The following MYL5 variants were observed in gnomAD, a reference collection of about 807,000 sequenced individuals.
MYL5 encodes the protein myosin light chain 5.
A neutral mutation model predicts 20.8 loss-of-function variants in MYL5; 28 were observed. That is an observed-to-expected ratio of 1.35 (90% CI 1.00 to 1.84). MYL5 has a LOEUF of 1.84. Among genes scored for constraint, MYL5 ranks in the 40% most tolerant of loss-of-function variants. The probability of loss-of-function intolerance (pLI) is 0.00; values close to 1 mark genes in which losing one functional copy is unlikely to be tolerated. For synonymous variants in MYL5, 118 were observed against 87.4 expected, an observed-to-expected ratio of 1.35 and a Z score of -1.95; for missense variants, 274 against 227.3, an observed-to-expected ratio of 1.21 and a Z score of -1.32.
rs376497378 is a variant in MYL5 at position 678,938 on chromosome 4, G to T, written c.112-20G>T. ...GCCCAGCCGGGTTGGCAGCACAGCAGCCCTGACCTTGGTCCCCAGGCATTC... is the reference window on the plus strand; with the variant it reads ...GCCCAGCCGGGTTGGCAGCACAGCATCCCTGACCTTGGTCCCCAGGCATTC... On this transcript the variant is annotated intron_variant, in intron 2 of 6. Transcript: ENST00000400159. 12 of 1,613,386 alleles carry T rather than the reference G, an allele frequency of 7.4e-6. No homozygotes were observed. In the African/African-American group the frequency reaches 1.6e-4, roughly 22 times the overall value.
At chr4:676,652 G>A (rs1024704766), upstream of MYL5, among the ~76,000 whole-genome samples, 2 of 152,166 alleles carry the variant, frequency 1.3e-5, no homozygotes, top group East Asian at 1.9e-4. Flanking sequence ...TCACATTCCC[G>A]GTGGCCTCGG....
chr4:680,686 C>T (rs929657705), intron 5 of MYL5, 99 bp downstream of exon 7: 3 of 1,227,332 alleles, frequency 2.4e-6, no homozygotes, highest in African/African-American at 3.0e-5. Flanking sequence ...GCCACGCCCA[C>T]CTCCCCACCT....
At position 678,178 on chromosome 4, in the gene MYL5, ATGAGCGTGTG is replaced by A. The variant is rs1739045371; in HGVS notation, c.3+151_3+160del. ...GTGCTCTGCCTGCATATGTGTGTGC[ATGAGCGTGTG>A]TATGTGCGTGTGTGTGACCTTGCGG... On this transcript the variant is annotated intron_variant, in intron 1 of 6. Coordinates refer to ENST00000400159, the Ensembl canonical transcript of MYL5. 26 of 1,537,906 alleles carry A rather than the reference ATGAGCGTGTG, an allele frequency of 1.7e-5. No individual in the cohort carries two copies. The South Asian group carries it at 2.8e-4, about 16-fold the overall frequency.
chr4:678,209 T>G (rs534483918), intron 1 of MYL5, 180 bp downstream of exon 3: 5 of 1,511,894 alleles, frequency 3.3e-6, no homozygotes, highest in Non-Finnish European at 4.4e-6. Flanking sequence ...TGTGTGACCT[T>G]GCGGGTGTGG....
At chr4:678,815 T>TG (rs775657716) in intron 2 of MYL5, 50 bp downstream of exon 4, 1 of 1,608,714 alleles carries the variant, frequency 6.2e-7, no homozygotes, top group East Asian at 2.2e-5. Context: ...GAGCCTGTGC[T>TG]GGGAAGACCC....
At chr4:678,802 C>T in intron 2 of MYL5, 37 bp downstream of exon 4, 2 of 1,608,288 alleles carry the variant, frequency 1.2e-6, no homozygotes, top group Non-Finnish European at 1.7e-6. Flanking sequence ...CCCCCACCCC[C>T]AGGAGCCTGT....
At chr4:679,657 A>C (rs186231183) in intron 3 of MYL5, among the ~76,000 whole-genome samples, 253 of 152,304 alleles carry the variant, frequency 1.7e-3, no homozygotes, top group African/African-American at 6.0e-3. Flanking sequence ...AATTAAGAAC[A>C]GCAGATCCCA....
At chr4:678,916 C>A (rs767996026) in intron 2 of MYL5, 42 bp from the exon 5 acceptor site, 43 of 1,611,868 alleles carry the variant, frequency 2.7e-5, no homozygotes, top group Non-Finnish European at 3.6e-5. Flanking sequence ...GGGCAGAGCC[C>A]AGCCGGGTTG....
chr4:677,772 G>A (rs927299237), upstream of MYL5: 116 of 606,758 alleles, frequency 1.9e-4, no homozygotes, highest in Non-Finnish European at 3.1e-4. Context: ...GGGGACAGGT[G>A]GATGGGAGGT....
At chr4:677,654 C>T (rs746494383), upstream of MYL5, among the ~76,000 whole-genome samples, 3 of 152,224 alleles carry the variant, frequency 2.0e-5, no homozygotes, top group African/African-American at 7.2e-5. Context: ...AGTGCCCCTT[C>T]CTCTGGCTCC....
At position 680,502 on chromosome 4, in the gene MYL5, G is replaced by A. The variant is rs775054645; in HGVS notation, c.293-7G>A. 50 of 1,613,276 alleles carry A rather than the reference G, an allele frequency of 3.1e-5. No individual in the cohort carries two copies. Among genetic ancestry groups the A allele is most frequent in the Admixed American group, 5.0e-5 (3 of 59,988 alleles). ...ACGGCCCTGGGCTGAAGGTGCCTTT[G>A]TGGCAGGTACCGACGCCGAGGAGAC... On this transcript the variant is annotated splice_region_variant and splice_polypyrimidine_tract_variant and intron_variant, in intron 4 of 6. Transcript: ENST00000400159.
At position 677,998 on chromosome 4, in the gene MYL5, C is replaced by T; in HGVS notation, c.-29C>T. 1 of 1,613,386 alleles carries T rather than the reference C, an allele frequency of 6.2e-7. No homozygotes were observed. Among genetic ancestry groups the T allele is most frequent in the Non-Finnish European group, 8.5e-7 (1 of 1,179,978 alleles). ...GATGGGCAAGACCTGGGGCCCTGGG[C>T]AGACGCATCAAAGCAGGCAGAAGCA... On this transcript the variant is annotated 5_prime_UTR_variant, in exon 1 of 7. It introduces an in-frame stop codon into an upstream open reading frame of the 5' UTR. Transcript: ENST00000400159.
intron 4 of MYL5, 21 bp downstream of exon 6, chr4:680,039 C>A: frequency 6.4e-7 from 1 of 1,560,934 alleles, no homozygotes; most frequent in Non-Finnish European, 8.8e-7. Context: ...GTGGGGCAGG[C>A]CTGGCCCTCC....
rs765214217 is a variant in MYL5, at chr4:679,895, GC to G, written c.188-14del. 1.9e-6 allele frequency: 3 copies of G among 1,610,540 alleles called. No homozygotes were observed. Among genetic ancestry groups the G allele is most frequent in the Non-Finnish European group, 2.5e-6 (3 of 1,177,676 alleles). On this transcript the variant is annotated intron_variant, in intron 3 of 6. Transcript: ENST00000400159. Reference sequence around the variant, plus strand: ...CAGGCAACAAGCCCTGCCCTGTGATGCCCCCATGTCTGTAACAGGCAAGACC... The same window carrying G: ...CAGGCAACAAGCCCTGCCCTGTGATGCCCCATGTCTGTAACAGGCAAGACC...
rs76067323 is a variant in MYL5 at position 678,547 on chromosome 4, C to T, written c.4-111C>T. 854 of 1,475,462 alleles carry T rather than the reference C, an allele frequency of 5.8e-4. 10 individuals are homozygous for T. The South Asian group carries it at 7.2e-3, about 12-fold the overall frequency. 91.4% of individuals were successfully genotyped at this position (1,475,462 alleles called of 1,614,324 possible). A position where few individuals can be genotyped will look rare whatever the true frequency, so the allele number is the denominator to read the frequency against. On this transcript the variant is annotated intron_variant, in intron 1 of 6. Coordinates refer to ENST00000400159, the Ensembl canonical transcript of MYL5. ...CTCAGCTGTCTGGCCCCCTCCAGCC[C>T]GAAGGGCTGAGGTCCACCCTTCATC...
At chr4:677,828 G>A (rs1481673895), upstream of MYL5, 1 of 813,514 alleles carries the variant, frequency 1.2e-6, no homozygotes, top group Non-Finnish European at 2.1e-6. Flanking sequence ...CTTGCGGGGT[G>A]AGGCAGGGCA....
intron 1 of MYL5, 104 bp from the exon 4 acceptor site, chr4:678,554 C>A (rs1739093125): frequency 1.3e-6 from 2 of 1,488,532 alleles, no homozygotes; most frequent in African/African-American, 2.8e-5. Context: ...GCCCGAAGGG[C>A]TGAGGTCCAC....
upstream of MYL5, chr4:676,106 C>G (rs1258960090): frequency 6.6e-6 from 1 of 152,236 alleles, no homozygotes; most frequent in African/African-American, 2.4e-5. Flanking sequence ...CTCCCCGTGT[C>G]TACTGCTCGC....
chr4:678,155 GCTCTGCCTGCATA>G, intron 1 of MYL5, 126 bp downstream of exon 3: 1 of 1,546,610 alleles, frequency 6.5e-7, no homozygotes. Context: ...GTGGGCGTGT[GCTCTGCCTGCATA>G]TGTGTGTGCA....
Sources: gnomAD v4.1 joint callset for allele counts (sites outside exome capture counted in the v4.1 genomes callset) on GRCh38, gnomAD v4.1.1 for gene constraint, MANE v1.5 for transcripts, NCBI Gene and HGNC (gene_info 2026-07-23, HGNC 2026-07-21) for gene names.